Variants in OTUD7A observed in about 807,000 individuals in gnomAD.
The protein encoded by OTUD7A is OTU deubiquitinase 7A.
OTUD7A carries 12 observed loss-of-function variants against 65.7 expected under a neutral mutation model. The ratio of observed to expected loss-of-function variants is 0.18; its 90% CI spans 0.12 to 0.30. The LOEUF is 0.30. Ranked by LOEUF, OTUD7A falls within the 10% of genes least tolerant of loss-of-function variation. OTUD7A has a pLI of 1.00. For missense variants in OTUD7A, 1,148 were observed against 1,304.8 expected, an observed-to-expected ratio of 0.88 and a Z score of 1.85; for synonymous variants, 641 against 586.3, an observed-to-expected ratio of 1.09 and a Z score of -1.35.
chr15:31,498,641 C>G lies in OTUD7A; in HGVS notation c.1171+3049G>C, dbSNP rs2041421211. 6.6e-6 allele frequency among the ~76,000 whole-genome samples: 1 copy of G among 152,150 alleles called. No homozygotes were observed. The highest frequency in any genetic ancestry group is 1.5e-5 in the Non-Finnish European group (1 of 68,034). On this transcript the variant is annotated intron_variant, in intron 10 of 12. Coordinates refer to ENST00000307050, the MANE Select transcript of OTUD7A (RefSeq NM_001382637.1). This position sits in a 1 kb window ranked among gnomAD's most constrained non-coding sequence, Gnocchi z 4.2. Reference sequence around the variant, plus strand: ...CCAGATCTGGGTTTCACAGAGCTCCCCTGCAGGCCATTTTAAGATGTGGCT... The same window carrying G: ...CCAGATCTGGGTTTCACAGAGCTCCGCTGCAGGCCATTTTAAGATGTGGCT...
At chr15:31,786,379 A>G (rs189432912) in intron 1 of OTUD7A, among the ~76,000 whole-genome samples, 1 of 152,352 alleles carries the variant, frequency 6.6e-6, no homozygotes, top group Non-Finnish European at 1.5e-5. Flanking sequence ...TCTTATTGCC[A>G]AATTTGCCTA....
At chr15:31,616,105 C>G (rs77242834) in intron 3 of OTUD7A, among the ~76,000 whole-genome samples, 133 of 152,346 alleles carry the variant, frequency 8.7e-4, no homozygotes, top group African/African-American at 3.1e-3. Context: ...CAGCGCAGAA[C>G]AGGCTCCCCA....
intron 1 of OTUD7A, among the ~76,000 whole-genome samples, chr15:31,676,697 G>C (rs915916595): frequency 6.6e-6 from 1 of 152,294 alleles, no homozygotes; most frequent in South Asian, 2.1e-4. Flanking sequence ...CATCTCCAAC[G>C]AAGCTGAAAG....
At chr15:31,598,060 C>T (rs1020521638) in intron 3 of OTUD7A, among the ~76,000 whole-genome samples, 5 of 152,034 alleles carry the variant, frequency 3.3e-5, no homozygotes, top group African/African-American at 7.2e-5. Flanking sequence ...GAGCCTGGTC[C>T]GGGAGAGCCT....
intron 4 of OTUD7A, among the ~76,000 whole-genome samples, chr15:31,562,145 T>C (rs1888712230): frequency 6.6e-6 from 1 of 152,136 alleles, no homozygotes; most frequent in South Asian, 2.1e-4. Flanking sequence ...CTTATTTTCT[T>C]TGTTTTTGTG....
intron 4 of OTUD7A, among the ~76,000 whole-genome samples, chr15:31,565,816 A>G (rs766853423): frequency 2.0e-5 from 3 of 152,242 alleles, no homozygotes; most frequent in Non-Finnish European, 4.4e-5. Flanking sequence ...AATCCAGGAG[A>G]AAGCAAAACC....
chr15:31,593,276 C>T (rs1056488788), intron 3 of OTUD7A, among the ~76,000 whole-genome samples: 2 of 151,968 alleles, frequency 1.3e-5, no homozygotes, highest in African/African-American at 2.4e-5. Flanking sequence ...CACACAGGAC[C>T]TACATCTCCT....
At chr15:31,808,138 A>C (rs8035167) in intron 1 of OTUD7A, among the ~76,000 whole-genome samples, 60,016 of 113,342 alleles carry the variant, frequency 0.53, 13,224 homozygotes, top group Middle Eastern at 0.63. Context: ...CACACACACA[A>C]ACAAATCCTC....
intron 8 of OTUD7A, among the ~76,000 whole-genome samples, chr15:31,524,257 A>ATGTGT (rs2041979552): frequency 6.6e-6 from 1 of 151,952 alleles, no homozygotes; most frequent in Non-Finnish European, 1.5e-5. Context: ...ATCTGTGGGG[A>ATGTGT]CCAGGTGGCT....
intron 1 of OTUD7A, among the ~76,000 whole-genome samples, chr15:31,683,240 A>G (rs1405680949): frequency 6.6e-6 from 1 of 152,198 alleles, no homozygotes; most frequent in Non-Finnish European, 1.5e-5. Flanking sequence ...TTTCCAAAAT[A>G]AAAAAATAAA....
intron 1 of OTUD7A, among the ~76,000 whole-genome samples, chr15:31,661,139 C>T (rs553766102): frequency 1.3e-5 from 2 of 152,328 alleles, no homozygotes; most frequent in African/African-American, 4.8e-5. Context: ...CCTTAGTTGA[C>T]ACTCACTTAT....
chr15:31,519,592 A>C (rs2041911266), intron 8 of OTUD7A, among the ~76,000 whole-genome samples: 1 of 152,240 alleles, frequency 6.6e-6, no homozygotes, highest in South Asian at 2.1e-4. Context: ...GACTGGAACA[A>C]GATGAGGATG....
At chr15:31,526,614 C>A (rs562658223) in intron 7 of OTUD7A, among the ~76,000 whole-genome samples, 153 bp from the exon 8 acceptor site, 4 of 152,360 alleles carry the variant, frequency 2.6e-5, no homozygotes, top group South Asian at 2.1e-4. Flanking sequence ...CTCTTGGCCA[C>A]CTTTGCTATG....
chr15:31,489,246 C>T (rs930492983), intron 10 of OTUD7A, among the ~76,000 whole-genome samples: 6 of 152,214 alleles, frequency 3.9e-5, no homozygotes, highest in African/African-American at 1.4e-4. Flanking sequence ...TCCAAGCCCC[C>T]ATGAATGGAT....
Position 31,626,416 on chromosome 15 carries a change from T to C in OTUD7A, c.151+28680A>G, listed in dbSNP as rs1460141596. On this transcript the variant is annotated intron_variant, in intron 3 of 12. Transcript: ENST00000307050. Reference sequence around the variant, plus strand: ...CTAGGTGGTGGGTACATGGTGTTCATTGAGCAATTCTTTCATCTTTTGCAT... The same window carrying C: ...CTAGGTGGTGGGTACATGGTGTTCACTGAGCAATTCTTTCATCTTTTGCAT... Among the ~76,000 whole-genome samples, 6 of 152,238 alleles carry C rather than the reference T, an allele frequency of 3.9e-5. No homozygotes were observed. The South Asian group carries it at 6.2e-4, about 16-fold the overall frequency.
At chr15:31,703,901 T>G (rs1020512491) in intron 1 of OTUD7A, among the ~76,000 whole-genome samples, 8 of 148,942 alleles carry the variant, frequency 5.4e-5, no homozygotes, top group Admixed American at 4.1e-4. Flanking sequence ...AATGAACTCT[T>G]GATAACCACA....
At chr15:31,592,803 C>T (rs1889767876) in intron 3 of OTUD7A, among the ~76,000 whole-genome samples, 1 of 139,250 alleles carries the variant, frequency 7.2e-6, no homozygotes. Context: ...TGGCGTGAAC[C>T]CAGGAGGCGG....
At chr15:31,555,092 G>A (rs1881229550) in intron 5 of OTUD7A, among the ~76,000 whole-genome samples, 1 of 152,142 alleles carries the variant, frequency 6.6e-6, no homozygotes, top group African/African-American at 2.4e-5. Context: ...GGCTCGGGAG[G>A]CCAGGCAGAT....
chr15:31,864,405 A>G (rs971181365), intron 1 of OTUD7A, among the ~76,000 whole-genome samples: 17 of 152,218 alleles, frequency 1.1e-4, no homozygotes, highest in Non-Finnish European at 5.9e-5. Context: ...TTGGACTTAC[A>G]GTTCCACACG....
Sources: gnomAD v4.1 joint callset for allele counts (sites outside exome capture counted in the v4.1 genomes callset) on GRCh38, gnomAD v4.1.1 for gene constraint, Gnocchi (gnomAD v3.1) non-coding constraint, MANE v1.5 for transcripts, NCBI Gene and HGNC (gene_info 2026-07-23, HGNC 2026-07-21) for gene names.